The following SEL1L2 variants were observed in gnomAD, a reference collection of about 807,000 sequenced individuals.
SEL1L2 encodes protein sel-1 homolog 2.
Under a neutral mutation model 98.8 loss-of-function variants are expected in SEL1L2, and 89 were observed. The ratio of observed to expected loss-of-function variants is 0.90; its 90% CI spans 0.76 to 1.07. The LOEUF (loss-of-function observed/expected upper bound fraction) is 1.07. Ranked by LOEUF, SEL1L2 falls within the 50% of genes least tolerant of loss-of-function variation. The pLI is 0.00. For missense variants in SEL1L2, 788 were observed against 812.0 expected (o/e 0.97, Z 0.36); for synonymous variants, 262 against 278.5 (o/e 0.94, Z 0.59).
intron 14 of SEL1L2, among the ~76,000 whole-genome samples, chr20:13,867,231 A>G (rs1991189535): frequency 6.6e-6 from 1 of 152,180 alleles, no homozygotes. Flanking sequence ...ATATCAGGAC[A>G]CCCATATAGC....
At chr20:13,917,786 C>CTTTTTTTTTTTTTTTTTTTTTTTTTTTTT (rs5840588) in intron 4 of SEL1L2, among the ~76,000 whole-genome samples, 5 of 50,072 alleles carry the variant, frequency 1.0e-4, no homozygotes, top group Non-Finnish European at 1.7e-4. Context: ...TTCTTTCTTT[C>CTTTTTTTTTTTTTTTTTTTTTTTTTTTTT]TTTTTTTTTT....
chr20:13,863,968 CAAAAAAA>C (rs11476600), intron 17 of SEL1L2, among the ~76,000 whole-genome samples: 3 of 87,980 alleles, frequency 3.4e-5, no homozygotes, highest in Non-Finnish European at 7.1e-5. Flanking sequence ...GACTCCATCT[CAAAAAAA>C]AAAAAAAAGA....
chr20:13,872,474 T>A (rs1249360183), intron 12 of SEL1L2, among the ~76,000 whole-genome samples: 7 of 152,196 alleles, frequency 4.6e-5, no homozygotes, highest in Non-Finnish European at 7.3e-5. Flanking sequence ...TGCTTTCCCT[T>A]CTGCCATGAT....
At chr20:13,914,465 A>G (rs1568958538) in intron 4 of SEL1L2, among the ~76,000 whole-genome samples, 2 of 152,246 alleles carry the variant, frequency 1.3e-5, no homozygotes, top group Non-Finnish European at 2.9e-5. Flanking sequence ...TCAACACAGC[A>G]AAGTCAGACT....
intron 5 of SEL1L2, among the ~76,000 whole-genome samples, chr20:13,892,810 C>T (rs150320606): frequency 1.9e-4 from 29 of 152,254 alleles, no homozygotes; most frequent in African/African-American, 5.5e-4. Context: ...TAAGGACACA[C>T]ATAGGCTGAA....
At chr20:13,924,646 A>C (rs2048803693) in intron 3 of SEL1L2, among the ~76,000 whole-genome samples, 1 of 151,944 alleles carries the variant, frequency 6.6e-6, no homozygotes, top group South Asian at 2.1e-4. Context: ...GTTGTTCTCT[A>C]ATCCTTGGAC....
intron 19 of SEL1L2, among the ~76,000 whole-genome samples, 166 bp from the exon 20 acceptor site, chr20:13,849,770 G>C (rs1363158525): frequency 6.6e-6 from 1 of 152,048 alleles, no homozygotes; most frequent in African/African-American, 2.4e-5. Context: ...CTTCCACAAG[G>C]GGCTTAAATA....
chr20:13,866,640 G>T, intron 15 of SEL1L2, 62 bp downstream of exon 15: 1 of 1,307,888 alleles, frequency 7.6e-7, no homozygotes, highest in Non-Finnish European at 1.0e-6. Flanking sequence ...TTTAAGAACA[G>T]TATCACCTCC....
At chr20:13,987,471 G>C (rs2148582345) in intron 1 of SEL1L2, among the ~76,000 whole-genome samples, 1 of 151,892 alleles carries the variant, frequency 6.6e-6, no homozygotes, top group East Asian at 1.9e-4. Context: ...TCAGCCTCCT[G>C]AGTAGCTGGG....
At chr20:13,964,804 T>G (rs2148484790) in intron 1 of SEL1L2, among the ~76,000 whole-genome samples, 1 of 152,204 alleles carries the variant, frequency 6.6e-6, no homozygotes, top group African/African-American at 2.4e-5. Flanking sequence ...TTCACATAGA[T>G]AACTTCTTTC....
chr20:13,878,040 T>C (rs569711201), intron 10 of SEL1L2, among the ~76,000 whole-genome samples: 1 of 152,298 alleles, frequency 6.6e-6, no homozygotes, highest in East Asian at 1.9e-4. Flanking sequence ...CAGACACACT[T>C]GGCCGGCTGC....
In SEL1L2 at chr20:13,885,346, C is replaced by T. The variant is rs377035274; in HGVS notation, c.957+1G>A. On this transcript the variant is annotated splice_donor_variant, in intron 10 of 19. Coordinates refer to ENST00000284951, the MANE Select transcript of SEL1L2 (RefSeq NM_025229.2). LOFTEE classifies it high-confidence loss of function. ...TTGACTGGATCTTGAGATTGACTTA[C>T]GTAGTAATCCTGATCTAGACCTTTC... 2.7e-5 allele frequency: 43 copies of T among 1,585,200 alleles called. No homozygotes were observed. Among genetic ancestry groups the T allele is most frequent in the South Asian group, 2.1e-4 (19 of 90,340 alleles).
At chr20:13,882,341 C>A (rs1449313077) in intron 10 of SEL1L2, among the ~76,000 whole-genome samples, 1 of 152,178 alleles carries the variant, frequency 6.6e-6, no homozygotes, top group African/African-American at 2.4e-5. Flanking sequence ...TGCAGCTCTG[C>A]CCATTGAGAG....
At chr20:13,897,158 A>G (rs936598990) in intron 5 of SEL1L2, among the ~76,000 whole-genome samples, 3 of 152,228 alleles carry the variant, frequency 2.0e-5, no homozygotes, top group African/African-American at 7.2e-5. Flanking sequence ...CACAATGGGG[A>G]AAGGATAGTC....
At chr20:13,918,371 T>C (rs992710887) in intron 4 of SEL1L2, among the ~76,000 whole-genome samples, 1 of 152,154 alleles carries the variant, frequency 6.6e-6, no homozygotes, top group Non-Finnish European at 1.5e-5. Context: ...GCCCCTCCAC[T>C]GGAAGTGTGG....
intron 5 of SEL1L2, among the ~76,000 whole-genome samples, chr20:13,893,133 A>C (rs1259666960): frequency 6.6e-6 from 1 of 152,168 alleles, no homozygotes; most frequent in East Asian, 1.9e-4. Flanking sequence ...TCATTTAATC[A>C]AGACTCTGTT....
rs1192121437 is a variant in SEL1L2 at position 13,931,746 on chromosome 20, T to G, written c.140A>C (p.Tyr47Ser). The change falls in exon 3 of 20, where the codon TAT (tyrosine) becomes TCT (serine). Residue 47 changes from tyrosine (Y) to serine (S), a missense_variant. Transcript: ENST00000284951. ...TCTTTGTTCCAATATGTGTGATAAATATTGTTTGATTTCGTTCACTGATAC... is the reference window on the plus strand; with the variant it reads ...TCTTTGTTCCAATATGTGTGATAAAGATTGTTTGATTTCGTTCACTGATAC... ...TQVSVNEIKQ[Y>S]LSHILEQRTS... 13 of 1,549,980 alleles carry G rather than the reference T, an allele frequency of 8.4e-6. No individual in the cohort carries two copies. In the South Asian group the frequency reaches 1.5e-4, roughly 18 times the overall value.
Position 13,885,411 on chromosome 20 carries a change from T to C in SEL1L2, c.901-8A>G, listed in dbSNP as rs1451824547. On this transcript the variant is annotated splice_region_variant and splice_polypyrimidine_tract_variant and intron_variant, in intron 9 of 19. Coordinates refer to ENST00000284951, the MANE Select transcript of SEL1L2 (RefSeq NM_025229.2). ...TAATTGTCCAAGAGAGACCTAGGAA[T>C]GATGAGTTTGGAAATGATTTTAGCA... The C allele has an allele frequency of 6.3e-7, 1 of 1,582,250 alleles. No homozygotes were observed. Among genetic ancestry groups the C allele is most frequent in the East Asian group, 2.2e-5 (1 of 44,742 alleles).
intron 6 of SEL1L2, 88 bp downstream of exon 6, chr20:13,888,371 G>A: frequency 1.2e-6 from 1 of 836,510 alleles, no homozygotes; most frequent in East Asian, 2.6e-5. Context: ...ACACTAGAGT[G>A]AGCCCCTTTA....
Sources: gnomAD v4.1 joint callset for allele counts (sites outside exome capture counted in the v4.1 genomes callset) on GRCh38, gnomAD v4.1.1 for gene constraint, MANE v1.5 for transcripts, NCBI Gene and HGNC (gene_info 2026-07-23, HGNC 2026-07-21) for gene names.